The following LIN52 variants were observed in gnomAD, a reference collection of about 807,000 sequenced individuals.
The protein encoded by LIN52 is lin-52 DREAM MuvB core complex component.
Under a neutral mutation model 18.5 loss-of-function variants are expected in LIN52, and 4 were observed. The observed-to-expected ratio is 0.22, with a 90% CI of 0.11 to 0.49. LIN52 has a LOEUF of 0.49. Among genes scored for constraint, LIN52 ranks in the 20% least tolerant of loss-of-function variants. The pLI, the probability that LIN52 is intolerant of heterozygous loss-of-function variation, is 0.97. For missense variants in LIN52, 102 were observed against 139.5 expected (o/e 0.73, Z 1.35); for synonymous variants, 34 against 45.5 (o/e 0.75, Z 1.02).
At chr14:74,179,750 C>T (rs1201383484) in intron 5 of LIN52, among the ~76,000 whole-genome samples, 2 of 151,868 alleles carry the variant, frequency 1.3e-5, no homozygotes, top group African/African-American at 4.8e-5. Context: ...CTAAAAGACA[C>T]CCCCCTTGTG....
chr14:74,091,214 C>T lies in LIN52; in HGVS notation c.20-18C>T. 6.3e-7 allele frequency: 1 copy of T among 1,585,252 alleles called. No individual in the cohort carries two copies. Among genetic ancestry groups the T allele is most frequent in the Non-Finnish European group, 8.7e-7 (1 of 1,155,610 alleles). ...TGTGTTTCCTGTCTTCTTGGTTCAT[C>T]TGGATGTTTTGTTCTAGGGACAGAT... is the stretch of plus-strand genomic sequence containing the variant. On this transcript the variant is annotated intron_variant, in intron 1 of 5. Coordinates refer to ENST00000555028, the MANE Select transcript of LIN52 (RefSeq NM_001024674.3).
At chr14:74,090,765 G>T (rs2060767948) in intron 1 of LIN52, among the ~76,000 whole-genome samples, 1 of 152,144 alleles carries the variant, frequency 6.6e-6, no homozygotes, top group South Asian at 2.1e-4. Flanking sequence ...ATTTAGCAGT[G>T]GGGGGTTGTG....
At chr14:74,145,053 C>A (rs1264142643) in intron 5 of LIN52, among the ~76,000 whole-genome samples, 2 of 152,180 alleles carry the variant, frequency 1.3e-5, no homozygotes, top group African/African-American at 2.4e-5. Context: ...GAAGTGATCG[C>A]TTCTTTCTAA....
At chr14:74,116,856 C>G (rs1238884783) in intron 5 of LIN52, among the ~76,000 whole-genome samples, 1 of 145,492 alleles carries the variant, frequency 6.9e-6, no homozygotes. Context: ...CTTTTGAGAG[C>G]ATGGACATAG....
At chr14:74,098,791 A>G (rs1445987026) in intron 4 of LIN52, among the ~76,000 whole-genome samples, 3 of 152,050 alleles carry the variant, frequency 2.0e-5, no homozygotes, top group Admixed American at 6.5e-5. Context: ...CCAGTGATCC[A>G]CCCACCTCGG....
intron 5 of LIN52, among the ~76,000 whole-genome samples, chr14:74,198,393 T>C (rs994855164): frequency 6.6e-6 from 1 of 152,154 alleles, no homozygotes; most frequent in Non-Finnish European, 1.5e-5. Flanking sequence ...AAACCCTACT[T>C]TATGACACCA....
At chr14:74,145,249 C>T (rs1183834421) in intron 5 of LIN52, among the ~76,000 whole-genome samples, 1 of 152,168 alleles carries the variant, frequency 6.6e-6, no homozygotes, top group Non-Finnish European at 1.5e-5. Context: ...AGTGTCATCC[C>T]CTTTGCCATT....
chr14:74,172,576 T>C (rs1018921314), intron 5 of LIN52, among the ~76,000 whole-genome samples: 1 of 152,206 alleles, frequency 6.6e-6, no homozygotes, highest in African/African-American at 2.4e-5. Flanking sequence ...AGATTAGCAT[T>C]ACAGTGGTGT....
At chr14:74,170,120 C>G (rs998022526) in intron 5 of LIN52, among the ~76,000 whole-genome samples, 3 of 152,182 alleles carry the variant, frequency 2.0e-5, no homozygotes, top group African/African-American at 7.2e-5. Context: ...ATTTGAAGAC[C>G]TGCTAGTTGT....
intron 5 of LIN52, among the ~76,000 whole-genome samples, chr14:74,194,506 G>A (rs1296448461): frequency 6.6e-6 from 1 of 152,180 alleles, no homozygotes; most frequent in Non-Finnish European, 1.5e-5. Flanking sequence ...AACTACGAAA[G>A]TGGTGGGGGA....
intron 5 of LIN52, among the ~76,000 whole-genome samples, chr14:74,115,991 T>C (rs1566851996): frequency 6.6e-6 from 1 of 152,162 alleles, no homozygotes; most frequent in African/African-American, 2.4e-5. Context: ...TTCCATGTAA[T>C]TCTGCAGAAA....
intron 5 of LIN52, among the ~76,000 whole-genome samples, chr14:74,194,365 G>A (rs1199981825): frequency 6.6e-6 from 1 of 152,204 alleles, no homozygotes; most frequent in Non-Finnish European, 1.5e-5. Context: ...GAATTGGAGA[G>A]TCTAAAGAAG....
chr14:74,122,906 C>CAAAAA (rs775803889), intron 5 of LIN52, among the ~76,000 whole-genome samples: 11 of 149,814 alleles, frequency 7.3e-5, no homozygotes, highest in South Asian at 4.4e-4. Flanking sequence ...AAAACAAAAA[C>CAAAAA]CAGTTTTGAC....
rs188803489 is a variant in LIN52, at chr14:74,131,429, C to T, written c.283+30191C>T. Among the ~76,000 whole-genome samples the T allele has an allele frequency of 1.3e-3, 205 of 151,970 alleles. 2 individuals are homozygous for T. The highest frequency in any genetic ancestry group is 4.6e-3 in the African/African-American group (190 of 41,432). On this transcript the variant is annotated intron_variant, in intron 5 of 5. Coordinates refer to ENST00000555028, the MANE Select transcript of LIN52 (RefSeq NM_001024674.3). ...TGCCTCCCAGGTTCAAGCGATTCTC[C>T]TGCCTCAGCCTCCCGAGTAGCTGGG...
intron 5 of LIN52, among the ~76,000 whole-genome samples, chr14:74,128,806 TG>T (rs2061042999): frequency 6.6e-6 from 1 of 152,028 alleles, no homozygotes; most frequent in South Asian, 2.1e-4. Context: ...TAGCCTGCTG[TG>T]GTGGTGCACG....
chr14:74,111,606 G>GTATGTATT lies in LIN52; in HGVS notation c.283+10371_283+10372insGTATTTAT, dbSNP rs1423116772. Among the ~76,000 whole-genome samples, 11 of 138,110 alleles carry GTATGTATT rather than the reference G, an allele frequency of 8.0e-5. No homozygotes were observed. The East Asian group carries it at 1.9e-3, about 24-fold the overall frequency. 90.6% of individuals were successfully genotyped at this position (138,110 alleles called of 152,430 possible). A position where few individuals can be genotyped will look rare whatever the true frequency, so the allele number is the denominator to read the frequency against. On this transcript the variant is annotated intron_variant, in intron 5 of 5. Coordinates refer to ENST00000555028, the MANE Select transcript of LIN52 (RefSeq NM_001024674.3). ...TGTGAGCCACCATGCCCTGCCCCTG[G>GTATGTATT]TATTTATTTATTTATTTATTTATTT...
chr14:74,129,110 T>TG (rs2039216889), intron 5 of LIN52, among the ~76,000 whole-genome samples: 1 of 152,064 alleles, frequency 6.6e-6, no homozygotes, highest in Non-Finnish European at 1.5e-5. Flanking sequence ...AGTGGGATGG[T>TG]GGAGGCAGTT....
intron 5 of LIN52, among the ~76,000 whole-genome samples, chr14:74,169,051 T>C (rs2061260738): frequency 1.3e-5 from 2 of 152,170 alleles, no homozygotes; most frequent in Admixed American, 1.3e-4. Context: ...GTGACTCTTG[T>C]CTCAAAATAA....
At chr14:74,171,053 A>G (rs915936931) in intron 5 of LIN52, among the ~76,000 whole-genome samples, 2 of 151,424 alleles carry the variant, frequency 1.3e-5, no homozygotes, top group Admixed American at 6.6e-5. Flanking sequence ...GGTGTACTCT[A>G]TATCTTTAAC....
Sources: gnomAD v4.1 joint callset for allele counts (sites outside exome capture counted in the v4.1 genomes callset) on GRCh38, gnomAD v4.1.1 for gene constraint, MANE v1.5 for transcripts, NCBI Gene and HGNC (gene_info 2026-07-23, HGNC 2026-07-21) for gene names.